The following MPP4 variants were observed in gnomAD, a reference collection of about 807,000 sequenced individuals.
The protein encoded by MPP4 is MAGUK p55 subfamily member 4.
Under a neutral mutation model 98.3 loss-of-function variants are expected in MPP4, and 91 were observed. That is an observed-to-expected ratio of 0.93 (90% CI 0.78 to 1.10). MPP4 has a LOEUF of 1.10. Ranked by LOEUF, MPP4 falls within the 50% of genes least tolerant of loss-of-function variation. The probability of loss-of-function intolerance (pLI) is 0.00; values close to 1 mark genes in which losing one functional copy is unlikely to be tolerated. For synonymous variants in MPP4, 261 were observed against 271.8 expected (o/e 0.96, Z 0.39); for missense variants, 744 against 792.9 (o/e 0.94, Z 0.74).
chr2:201,683,180 A>G (rs1449449110), intron 7 of MPP4, among the ~76,000 whole-genome samples: 1 of 152,172 alleles, frequency 6.6e-6, no homozygotes. Flanking sequence ...ATGTTGTAAA[A>G]TGGAACCAGA....
chr2:201,681,824 C>T (rs1481828431), intron 8 of MPP4, among the ~76,000 whole-genome samples: 2 of 150,790 alleles, frequency 1.3e-5, no homozygotes, highest in South Asian at 2.1e-4. Flanking sequence ...CCAGGGACCC[C>T]CCCCCACCCT....
chr2:201,648,946 C>T (rs1687642821), intron 20 of MPP4, among the ~76,000 whole-genome samples: 1 of 152,104 alleles, frequency 6.6e-6, no homozygotes. Context: ...TGCTTGTAGT[C>T]CTAGCTACTC....
chr2:201,688,648 C>G (rs1400767299), intron 4 of MPP4, among the ~76,000 whole-genome samples: 3 of 152,162 alleles, frequency 2.0e-5, no homozygotes, highest in Non-Finnish European at 2.9e-5. Context: ...TAGTCTCACT[C>G]TGTCACCCAG....
At chr2:201,667,625 T>C (rs1490543403) in intron 12 of MPP4, among the ~76,000 whole-genome samples, 1 of 152,250 alleles carries the variant, frequency 6.6e-6, no homozygotes, top group Admixed American at 6.5e-5. Context: ...GCACTTTACA[T>C]CTTGTTTCTA....
At chr2:201,690,998 G>T (rs1689001586) in intron 3 of MPP4, among the ~76,000 whole-genome samples, 1 of 152,168 alleles carries the variant, frequency 6.6e-6, no homozygotes, top group East Asian at 1.9e-4. Flanking sequence ...AGGCCCAAGG[G>T]GCCGGCTGAG....
chr2:201,673,894 G>A (rs1688419295), intron 11 of MPP4, among the ~76,000 whole-genome samples: 1 of 152,126 alleles, frequency 6.6e-6, no homozygotes, highest in South Asian at 2.1e-4. Context: ...TCCTTCTGGT[G>A]CCCAGTTCCC....
rs556836791 is a variant in MPP4 at position 201,658,527 on chromosome 2, C to T, written c.1088-9G>A. ...AACAAACTCCTCCTTGTCTGAAACA[C>T]AAAGAACAGATGGAGCAGAATATGT... On this transcript the variant is annotated splice_polypyrimidine_tract_variant and intron_variant, in intron 15 of 21. Transcript: ENST00000409474. 5 of 1,611,596 alleles carry T rather than the reference C, an allele frequency of 3.1e-6. No individual in the cohort carries two copies. The South Asian group carries it at 4.4e-5, about 14-fold the overall frequency.
At chr2:201,677,227 G>C (rs980486459) in intron 10 of MPP4, among the ~76,000 whole-genome samples, 1 of 151,970 alleles carries the variant, frequency 6.6e-6, no homozygotes, top group African/African-American at 2.4e-5. Flanking sequence ...GGGAGCTCCT[G>C]GTTTTTCATT....
intron 5 of MPP4, 41 bp from the exon 6 acceptor site, chr2:201,686,091 G>A (rs201543431): frequency 2.9e-5 from 46 of 1,601,924 alleles, no homozygotes; most frequent in African/African-American, 9.4e-5. Flanking sequence ...TGTCACACAT[G>A]GGCCAAACCC....
chr2:201,660,351 A>C lies in MPP4; in HGVS notation c.1073-5T>G. Reference sequence around the variant, plus strand: ...AATTACCTTCTGAAAGTTCCTCTGGATATTTGGGTAAGTGCAGAAACAGAC... The same window carrying C: ...AATTACCTTCTGAAAGTTCCTCTGGCTATTTGGGTAAGTGCAGAAACAGAC... On this transcript the variant is annotated splice_polypyrimidine_tract_variant and splice_region_variant and intron_variant, in intron 14 of 21. Coordinates refer to ENST00000409474, the MANE Select transcript of MPP4 (RefSeq NM_033066.3). 1 of 1,613,358 alleles carries C rather than the reference A, an allele frequency of 6.2e-7. No individual in the cohort carries two copies.
intron 15 of MPP4, among the ~76,000 whole-genome samples, chr2:201,658,979 T>A (rs1483192125): frequency 6.6e-6 from 1 of 152,114 alleles, no homozygotes; most frequent in African/African-American, 2.4e-5. Context: ...CACTGCAACC[T>A]CCACCTCCTG....
At chr2:201,658,051 A>G (rs375631525) in intron 16 of MPP4, among the ~76,000 whole-genome samples, 1 of 148,716 alleles carries the variant, frequency 6.7e-6, no homozygotes, top group East Asian at 2.0e-4. Context: ...CGGCTCTGCT[A>G]GTTTTCCCCT....
chr2:201,692,812 C>A, intron 3 of MPP4, 96 bp downstream of exon 3: 1 of 1,495,956 alleles, frequency 6.7e-7, no homozygotes, highest in South Asian at 1.3e-5. Context: ...ATAAACTATT[C>A]CACTATCCAG....
intron 13 of MPP4, among the ~76,000 whole-genome samples, chr2:201,664,789 A>C (rs934400653): frequency 7.2e-5 from 11 of 152,236 alleles, no homozygotes; most frequent in African/African-American, 2.2e-4. Context: ...AAGGCAATTC[A>C]TTGTAGCACT....
At chr2:201,664,906 G>A (rs78610566) in intron 13 of MPP4, among the ~76,000 whole-genome samples, 153 of 152,176 alleles carry the variant, frequency 1.0e-3, no homozygotes, top group African/African-American at 3.7e-3. Context: ...GGCTCTTTAT[G>A]TGCTAAGATA....
At chr2:201,685,233 CAAT>C in intron 6 of MPP4, 88 bp from the exon 7 acceptor site, 1 of 280,612 alleles carries the variant, frequency 3.6e-6, no homozygotes, top group Non-Finnish European at 5.5e-6. Context: ...TCTGGTCTTT[CAAT>C]CAATGCAGCT....
intron 15 of MPP4, 122 bp downstream of exon 15, chr2:201,660,210 T>C (rs1687986003): frequency 2.0e-6 from 2 of 997,702 alleles, no homozygotes; most frequent in South Asian, 1.6e-5. Flanking sequence ...GGGAAAACCA[T>C]AAACAACAAC....
chr2:201,684,173 C>G (rs1015266583), intron 7 of MPP4, among the ~76,000 whole-genome samples: 6 of 149,308 alleles, frequency 4.0e-5, no homozygotes, highest in Non-Finnish European at 7.4e-5. Context: ...GAGTCATGAT[C>G]ATACCCCTGC....
At chr2:201,673,585 A>AG in intron 11 of MPP4, 1 of 199,960 alleles carries the variant, frequency 5.0e-6, no homozygotes, top group Non-Finnish European at 1.0e-5. Context: ...AAGAAAAAAA[A>AG]AGATGTTAAG....
Sources: gnomAD v4.1 joint callset for allele counts (sites outside exome capture counted in the v4.1 genomes callset) on GRCh38, gnomAD v4.1.1 for gene constraint, MANE v1.5 for transcripts, NCBI Gene and HGNC (gene_info 2026-07-23, HGNC 2026-07-21) for gene names.